Variants in ATP12A observed in about 807,000 individuals in gnomAD.
ATP12A encodes potassium-transporting ATPase alpha chain 2.
In ATP12A, 81 loss-of-function variants were observed where a neutral mutation model predicts 111.2. The ratio of observed to expected loss-of-function variants is 0.73; its 90% CI spans 0.61 to 0.88. The LOEUF is 0.88. Among genes scored for constraint, ATP12A ranks in the 40% least tolerant of loss-of-function variants. The probability of loss-of-function intolerance (pLI) is 0.00; values close to 1 mark genes in which losing one functional copy is unlikely to be tolerated. For synonymous variants in ATP12A, 498 were observed against 499.8 expected, an observed-to-expected ratio of 1.00 and a Z score of 0.05; for missense variants, 1,196 against 1,313.1, an observed-to-expected ratio of 0.91 and a Z score of 1.38.
At chr13:24,709,577 C>T in intron 18 of ATP12A, 90 bp downstream of exon 18, 1 of 1,593,082 alleles carries the variant, frequency 6.3e-7, no homozygotes, top group African/African-American at 1.3e-5. Context: ...TGTGGTTTTC[C>T]TGTGGGGCCT....
chr13:24,698,710 T>C lies in ATP12A; in HGVS notation c.1565T>C (p.Met522Thr). 1 of 1,613,952 alleles carries C rather than the reference T, an allele frequency of 6.2e-7. No homozygotes were observed. Among genetic ancestry groups the C allele is most frequent in the Non-Finnish European group, 8.5e-7 (1 of 1,179,992 alleles). Residue 522 changes from methionine (M) to threonine (T), a missense_variant, in exon 12 of 23, where the codon ATG (methionine) becomes ACG (threonine). By Grantham distance (81) the Met-to-Thr change is moderately conservative. Coordinates refer to ENST00000381946, the MANE Select transcript of ATP12A (RefSeq NM_001676.7). ...DPHGKRFLMV[M>T]KGAPERILEK... ...CACGGCAAGCGCTTCCTCATGGTGATGAAGGGGGCCCCTGAGCGCATCCTA... is the reference window on the plus strand; with the variant it reads ...CACGGCAAGCGCTTCCTCATGGTGACGAAGGGGGCCCCTGAGCGCATCCTA...
chr13:24,700,119 C>A (rs1875328532), intron 12 of ATP12A, among the ~76,000 whole-genome samples: 1 of 152,220 alleles, frequency 6.6e-6, no homozygotes, highest in African/African-American at 2.4e-5. Context: ...CCACCAGACA[C>A]AAGAGTCCCT....
At chr13:24,687,807 C>T (rs1177015700) in intron 3 of ATP12A, among the ~76,000 whole-genome samples, 5 of 152,244 alleles carry the variant, frequency 3.3e-5, no homozygotes, top group African/African-American at 1.2e-4. Context: ...TGGGGAGTTA[C>T]TGCATTGCCC....
At chr13:24,691,871 A>G (rs937057701) in intron 8 of ATP12A, among the ~76,000 whole-genome samples, 8 of 152,206 alleles carry the variant, frequency 5.3e-5, no homozygotes, top group African/African-American at 1.7e-4. Context: ...AAAAGAGAAG[A>G]AGTTTTTGAA....
At chr13:24,682,987 G>A (rs550546310) in intron 2 of ATP12A, among the ~76,000 whole-genome samples, 4 of 141,790 alleles carry the variant, frequency 2.8e-5, no homozygotes, top group South Asian at 2.2e-4. Context: ...ACAGAGTTTC[G>A]CTCTTGTTGC....
At chr13:24,702,686 G>C (rs547561736) in intron 14 of ATP12A, among the ~76,000 whole-genome samples, 1 of 152,074 alleles carries the variant, frequency 6.6e-6, no homozygotes, top group Admixed American at 6.5e-5. Flanking sequence ...TATTTACTGC[G>C]TGCCAACTAT....
chr13:24,686,172 C>T (rs1005136542), intron 3 of ATP12A, among the ~76,000 whole-genome samples: 5 of 152,202 alleles, frequency 3.3e-5, no homozygotes, highest in Admixed American at 3.3e-4. Flanking sequence ...GACGTGGTGG[C>T]TCAGGCCTGT....
In ATP12A at chr13:24,691,241, C is replaced by A. The variant is rs769496985; in HGVS notation, c.1059C>A (p.Ala353=). ...CCAATGTGCCCGAGGGCCTCCTGGC[C>A]ACTGTCACTGTGAGTCCATGCTGTT... is the stretch of plus-strand genomic sequence containing the variant. ...IVANVPEGLL[A]TVTVTLSLTA... Residue 353 remains alanine (A), a synonymous_variant, in exon 8 of 23, where the codon GCC becomes GCA. Coordinates refer to ENST00000381946, the MANE Select transcript of ATP12A (RefSeq NM_001676.7). 3 of 1,611,794 alleles carry A rather than the reference C, an allele frequency of 1.9e-6. No individual in the cohort carries two copies. The highest frequency in any genetic ancestry group is 2.5e-6 in the Non-Finnish European group (3 of 1,179,020).
rs767499984 is a variant in ATP12A at position 24,689,464 on chromosome 13, G to A, written c.546+89G>A. On this transcript the variant is annotated intron_variant, in intron 5 of 22. Coordinates refer to ENST00000381946, the MANE Select transcript of ATP12A (RefSeq NM_001676.7). ...AGGGGCACAGGGCCCTGAGGGCTAC[G>A]GGTTTCCACTTCCTTCCCTGTCGGA... 54 of 1,124,416 alleles carry A rather than the reference G, an allele frequency of 4.8e-5. No individual in the cohort carries two copies. The African/African-American group carries it at 5.1e-4, about 11-fold the overall frequency. The allele number at this position is 1,124,416 out of a possible 1,614,324, so 69.7% of individuals were successfully genotyped here.
At position 24,691,223 on chromosome 13, in the gene ATP12A, G is replaced by A. The variant is rs756951934; in HGVS notation, c.1041G>A (p.Val347=). 3 of 1,613,452 alleles carry A rather than the reference G, an allele frequency of 1.9e-6. No individual in the cohort carries two copies. In the South Asian group the frequency reaches 3.3e-5, roughly 18 times the overall value. The change falls in exon 8 of 23, where the codon GTG becomes GTA. Residue 347 remains valine, a synonymous_variant. Coordinates refer to ENST00000381946, the MANE Select transcript of ATP12A (RefSeq NM_001676.7). ...IFLIGIIVAN[V]PEGLLATVTV... ...TCATTGGCATCATTGTGGCCAATGT[G>A]CCCGAGGGCCTCCTGGCCACTGTCA...
intron 3 of ATP12A, among the ~76,000 whole-genome samples, chr13:24,686,678 G>T (rs1379649787): frequency 2.0e-5 from 3 of 152,136 alleles, no homozygotes; most frequent in Non-Finnish European, 4.4e-5. Context: ...GGCGGAGCTT[G>T]CAGTGAGCGG....
At chr13:24,683,553 TC>T (rs768131441) in intron 2 of ATP12A, among the ~76,000 whole-genome samples, 1 of 152,192 alleles carries the variant, frequency 6.6e-6, no homozygotes, top group Non-Finnish European at 1.5e-5. Context: ...TATTGATCGT[TC>T]CTGGAGAGTT....
At chr13:24,706,538 A>C in intron 15 of ATP12A, 75 bp downstream of exon 15, 2 of 1,547,858 alleles carry the variant, frequency 1.3e-6, no homozygotes, top group African/African-American at 1.4e-5. Flanking sequence ...TCTGGATCTC[A>C]CATCAGGCTG....
intron 12 of ATP12A, 60 bp from the exon 13 acceptor site, chr13:24,700,687 C>T (rs1875352428): frequency 6.5e-7 from 1 of 1,528,002 alleles, no homozygotes; most frequent in Non-Finnish European, 8.9e-7. Flanking sequence ...ATGTTCTCCT[C>T]TTATTTTTTT....
At chr13:24,710,920 G>T in intron 21 of ATP12A, 27 bp downstream of exon 21, 1 of 1,590,178 alleles carries the variant, frequency 6.3e-7, no homozygotes, top group Non-Finnish European at 8.6e-7. Context: ...CAGCATGGAG[G>T]AAAGAGCCAG....
chr13:24,710,659 T>G, intron 20 of ATP12A, 66 bp downstream of exon 20: 1 of 1,610,436 alleles, frequency 6.2e-7, no homozygotes, highest in Non-Finnish European at 8.5e-7. Context: ...TGATGATTTG[T>G]TTTTCACAAG....
intron 13 of ATP12A, 40 bp downstream of exon 13, chr13:24,700,962 T>C (rs1358844874): frequency 6.3e-7 from 1 of 1,596,810 alleles, no homozygotes; most frequent in Non-Finnish European, 8.6e-7. Flanking sequence ...TCTTTCTTTA[T>C]GTCGTGTTCC....
rs114412298 is a variant in ATP12A at position 24,698,203 on chromosome 13, G to A, written c.1513-455G>A. Among the ~76,000 whole-genome samples, 631 of 152,186 alleles carry A rather than the reference G, an allele frequency of 4.1e-3. 5 individuals carry two copies. The highest frequency in any genetic ancestry group is 0.014 in the African/African-American group (579 of 41,514). On this transcript the variant is annotated intron_variant, in intron 11 of 22. Coordinates refer to ENST00000381946, the MANE Select transcript of ATP12A (RefSeq NM_001676.7). Reference sequence around the variant, plus strand: ...GCCATTTTCTATGACATCCAAGCAGGAAAACTGGGTGGACAATGAGGTGAG... The same window carrying A: ...GCCATTTTCTATGACATCCAAGCAGAAAAACTGGGTGGACAATGAGGTGAG...
rs1280127800 is a variant in ATP12A at position 24,685,972 on chromosome 13, G to A, written c.228+599G>A. 1.3e-5 allele frequency among the ~76,000 whole-genome samples: 2 copies of A among 152,222 alleles called. No homozygotes were observed. The highest frequency in any genetic ancestry group is 2.9e-5 in the Non-Finnish European group (2 of 68,036). The stretch of plus-strand genomic sequence containing the variant: ...AGTATTCACATTAAACTAATGAGTA[G>A]GAGCTGTCTTAGAGGCAGAAGGGAC... On this transcript the variant is annotated intron_variant, in intron 3 of 22. Coordinates refer to ENST00000381946, the MANE Select transcript of ATP12A (RefSeq NM_001676.7). This position sits in a 1 kb window ranked among gnomAD's most constrained non-coding sequence, Gnocchi z 5.5.
Sources: allele counts gnomAD v4.1 joint callset (sites outside exome capture counted in the v4.1 genomes callset), GRCh38; gene constraint gnomAD v4.1.1; non-coding constraint Gnocchi (gnomAD v3.1); transcripts MANE v1.5; gene names NCBI Gene and HGNC (gene_info 2026-07-23, HGNC 2026-07-21).